Variants in TRAPPC9 observed in about 807,000 individuals in gnomAD.
TRAPPC9 encodes IKK2 binding protein.
A neutral mutation model predicts 124.0 loss-of-function variants in TRAPPC9; 83 were observed. The observed-to-expected ratio is 0.67, with a 90% CI of 0.56 to 0.80. The LOEUF is 0.80. TRAPPC9 is among the 30% of genes least tolerant of loss of function. TRAPPC9 has a pLI of 0.00. For missense variants in TRAPPC9, 1,302 were observed against 1,508.3 expected (o/e 0.86, Z 2.27); for synonymous variants, 638 against 617.5 (o/e 1.03, Z -0.49).
chr8:140,094,522 T>C (rs1587692177), intron 17 of TRAPPC9, among the ~76,000 whole-genome samples: 1 of 152,274 alleles, frequency 6.6e-6, no homozygotes, highest in Admixed American at 6.5e-5. Context: ...GCCACCCTGT[T>C]AGCCACAGCA....
chr8:139,840,577 C>T (rs1034954243), intron 21 of TRAPPC9, among the ~76,000 whole-genome samples: 2 of 152,196 alleles, frequency 1.3e-5, no homozygotes, highest in African/African-American at 2.4e-5. Context: ...AGACCAGAAA[C>T]GCAGCCTGAC....
intron 17 of TRAPPC9, among the ~76,000 whole-genome samples, chr8:140,160,116 G>C (rs930363812): frequency 3.3e-5 from 5 of 152,236 alleles, no homozygotes; most frequent in African/African-American, 7.2e-5. Context: ...ACGCCAGTTA[G>C]AATGGTGATC....
intron 17 of TRAPPC9, among the ~76,000 whole-genome samples, chr8:140,061,349 A>T (rs536738121): frequency 1.3e-5 from 2 of 152,250 alleles, no homozygotes; most frequent in African/African-American, 2.4e-5. Flanking sequence ...TTTAATTTTG[A>T]TTCTTCTAAT....
At position 140,024,092 on chromosome 8, in the gene TRAPPC9, A is replaced by T. The variant is rs9792174; in HGVS notation, c.2557-13T>A. On this transcript the variant is annotated splice_polypyrimidine_tract_variant and intron_variant, in intron 17 of 22. Transcript: ENST00000438773. Reference sequence around the variant, plus strand: ...CAGCTTCCAGGGTCTAAAAGATATTAAAAAAAAAAATACACACACACACAT... The same window carrying T: ...CAGCTTCCAGGGTCTAAAAGATATTTAAAAAAAAAATACACACACACACAT... The T allele has an allele frequency of 0.65, 953,631 of 1,476,902 alleles. 286,686 individuals carry two copies. Among genetic ancestry groups the T allele is most frequent in the Middle Eastern group, 0.73 (4,193 of 5,720 alleles). The allele number at this position is 1,476,902 out of a possible 1,614,324, so 91.5% of individuals were successfully genotyped here.
chr8:140,360,316 A>C (rs1269652187), intron 8 of TRAPPC9, 123 bp from the exon 9 acceptor site: 1 of 1,250,450 alleles, frequency 8.0e-7, no homozygotes, highest in Admixed American at 2.0e-5. Flanking sequence ...CTCCAAGAGC[A>C]ACAAAAAATA....
At chr8:139,761,983 G>A (rs1341207322) in intron 21 of TRAPPC9, among the ~76,000 whole-genome samples, 1 of 151,762 alleles carries the variant, frequency 6.6e-6, no homozygotes, top group Non-Finnish European at 1.5e-5. Context: ...CACTTGTACA[G>A]GCAAAGCCGT....
At chr8:140,349,352 G>A (rs1237627669) in intron 9 of TRAPPC9, among the ~76,000 whole-genome samples, 2 of 105,796 alleles carry the variant, frequency 1.9e-5, no homozygotes, top group Non-Finnish European at 4.3e-5. Flanking sequence ...AAGGGGGCGC[G>A]CGAGGGAAGG....
rs138686351 is a variant in TRAPPC9 at position 140,070,526 on chromosome 8, T to G, written c.2557-46447A>C. Among the ~76,000 whole-genome samples the G allele has an allele frequency of 2.5e-3, 376 of 152,292 alleles. 1 individual carries two copies. Among genetic ancestry groups the G allele is most frequent in the African/African-American group, 8.4e-3 (350 of 41,554 alleles). ...TTTCTTTCAATAATCGACACTTAATTAGTAATTCCATGAGGAAAAATGATG... is the reference window on the plus strand; with the variant it reads ...TTTCTTTCAATAATCGACACTTAATGAGTAATTCCATGAGGAAAAATGATG... On this transcript the variant is annotated intron_variant, in intron 17 of 22. Transcript: ENST00000438773.
chr8:140,126,625 A>G (rs970308918), intron 17 of TRAPPC9, among the ~76,000 whole-genome samples: 4 of 152,224 alleles, frequency 2.6e-5, no homozygotes, highest in Non-Finnish European at 4.4e-5. Context: ...TCTAATTTGA[A>G]TTACAGCACT....
intron 4 of TRAPPC9, among the ~76,000 whole-genome samples, chr8:140,434,741 C>A (rs940776892): frequency 3.9e-5 from 6 of 152,004 alleles, no homozygotes; most frequent in Admixed American, 6.6e-5. Flanking sequence ...GAGGCCGAGG[C>A]GGGTGGATCA....
chr8:140,037,039 A>T (rs1463921856), intron 17 of TRAPPC9, among the ~76,000 whole-genome samples: 1 of 151,484 alleles, frequency 6.6e-6, no homozygotes, highest in African/African-American at 2.4e-5. Flanking sequence ...CCGTCACATT[A>T]TTTTATCATA....
At chr8:140,033,461 G>C (rs1252976665) in intron 17 of TRAPPC9, among the ~76,000 whole-genome samples, 1 of 151,748 alleles carries the variant, frequency 6.6e-6, no homozygotes, top group Admixed American at 6.6e-5. Flanking sequence ...AGAAGACATG[G>C]AATATCTTTG....
chr8:140,228,159 A>AG (rs2063499085), intron 16 of TRAPPC9, among the ~76,000 whole-genome samples: 1 of 152,240 alleles, frequency 6.6e-6, no homozygotes, highest in Non-Finnish European at 1.5e-5. Flanking sequence ...CTAATGCATA[A>AG]GGTTGAATAC....
intron 11 of TRAPPC9, among the ~76,000 whole-genome samples, chr8:140,296,198 A>T (rs1370222163): frequency 3.3e-5 from 5 of 152,228 alleles, no homozygotes; most frequent in African/African-American, 4.8e-5. Flanking sequence ...ATCACTGGAT[A>T]ATGTTTGCTT....
intron 17 of TRAPPC9, among the ~76,000 whole-genome samples, chr8:140,124,627 C>A (rs1335018022): frequency 6.6e-6 from 1 of 152,188 alleles, no homozygotes; most frequent in Admixed American, 6.5e-5. Context: ...AAGCAAATCA[C>A]AAACCCAAGC....
At chr8:140,173,547 C>CT (rs769651331) in intron 17 of TRAPPC9, among the ~76,000 whole-genome samples, 1 of 116,306 alleles carries the variant, frequency 8.6e-6, no homozygotes, top group Non-Finnish European at 1.7e-5. Context: ...GAGCAAGACT[C>CT]TGTCTCAAAA....
At chr8:139,932,399 G>A (rs775556574) in intron 19 of TRAPPC9, 11 of 457,802 alleles carry the variant, frequency 2.4e-5, no homozygotes, top group South Asian at 6.2e-5. Context: ...GGACCACCAC[G>A]TGGTATGGCT....
intron 19 of TRAPPC9, among the ~76,000 whole-genome samples, chr8:139,958,695 G>A (rs1835157348): frequency 6.6e-6 from 1 of 152,176 alleles, no homozygotes; most frequent in African/African-American, 2.4e-5. Context: ...ACGGTGTCTG[G>A]GATGGCGGAG....
chr8:140,377,887 G>C (rs1466182109), intron 7 of TRAPPC9, among the ~76,000 whole-genome samples: 1 of 151,974 alleles, frequency 6.6e-6, no homozygotes, highest in Non-Finnish European at 1.5e-5. Context: ...TTGAACCCGG[G>C]GGGCAGAGGT....
Sources: gnomAD v4.1 joint callset for allele counts (sites outside exome capture counted in the v4.1 genomes callset) on GRCh38, gnomAD v4.1.1 for gene constraint, MANE v1.5 for transcripts, NCBI Gene and HGNC (gene_info 2026-07-23, HGNC 2026-07-21) for gene names.